The following CLVS1 variants were observed in gnomAD, a reference collection of about 807,000 sequenced individuals.
CLVS1 encodes clavesin-1.
A neutral mutation model predicts 33.1 loss-of-function variants in CLVS1; 10 were observed. The observed-to-expected ratio is 0.30, with a 90% CI of 0.19 to 0.51. The LOEUF (loss-of-function observed/expected upper bound fraction) is 0.51, where lower values mean the gene tolerates loss of function less well. Ranked by LOEUF, CLVS1 falls within the 20% of genes least tolerant of loss-of-function variation. The pLI is 0.97. For synonymous variants in CLVS1, 163 were observed against 166.1 expected, an observed-to-expected ratio of 0.98 and a Z score of 0.14; for missense variants, 343 against 433.4, an observed-to-expected ratio of 0.79 and a Z score of 1.85.
chr8:61,060,694 C>G (rs548563266), intron 1 of CLVS1, among the ~76,000 whole-genome samples: 1 of 152,078 alleles, frequency 6.6e-6, no homozygotes, highest in Admixed American at 6.5e-5. Context: ...GAGTTATTAT[C>G]GGGGCATGGA....
chr8:61,067,571 A>G (rs1804706269), intron 1 of CLVS1, among the ~76,000 whole-genome samples: 1 of 151,952 alleles, frequency 6.6e-6, no homozygotes. Flanking sequence ...CTATTTTTTA[A>G]AAAGCTAACA....
At chr8:60,970,069 T>G in the CLVS1 span, among the ~76,000 whole-genome samples, 1 of 152,240 alleles carries the variant, frequency 6.6e-6, no homozygotes, top group Admixed American at 6.5e-5. Context: ...TGAGTTCTTT[T>G]AAAAAATGTG....
chr8:61,434,178 A>G (rs1040064698), intron 3 of CLVS1, among the ~76,000 whole-genome samples: 2 of 152,230 alleles, frequency 1.3e-5, no homozygotes, highest in African/African-American at 2.4e-5. Flanking sequence ...GTTTTCATCA[A>G]GGTCCCCAGA....
chr8:61,234,074 A>G (rs1808501969), intron 2 of CLVS1, among the ~76,000 whole-genome samples: 1 of 151,926 alleles, frequency 6.6e-6, no homozygotes, highest in Non-Finnish European at 1.5e-5. Flanking sequence ...GGATGATGGG[A>G]GGGGCTGAGG....
Position 61,335,366 on chromosome 8 carries a change from C to G in CLVS1, c.455+35084C>G, listed in dbSNP as rs529796105. On this transcript the variant is annotated intron_variant, in intron 2 of 5. Coordinates refer to ENST00000325897, the MANE Select transcript of CLVS1 (RefSeq NM_173519.3). The stretch of plus-strand genomic sequence containing the variant: ...GTTTCTCCCAAAGTTAGTTCAGCCT[C>G]TACCCAGGAATGAACAAGGACAGCT... 6.6e-5 allele frequency among the ~76,000 whole-genome samples: 10 copies of G among 152,342 alleles called. No individual in the cohort carries two copies. The South Asian group carries it at 1.7e-3, about 25-fold the overall frequency.
At chr8:61,229,326 G>A (rs1808387522) in intron 2 of CLVS1, among the ~76,000 whole-genome samples, 1 of 152,176 alleles carries the variant, frequency 6.6e-6, no homozygotes, top group Non-Finnish European at 1.5e-5. Context: ...TACATTCAAA[G>A]CAATGTCCCT....
chr8:61,187,736 T>C (rs190144552), intron 2 of CLVS1, among the ~76,000 whole-genome samples: 35 of 150,924 alleles, frequency 2.3e-4, no homozygotes, highest in African/African-American at 8.0e-4. Context: ...ATATTAAATA[T>C]ATGATAATTT....
chr8:61,465,487 A>T (rs1359799457), intron 5 of CLVS1: 2 of 152,182 alleles, frequency 1.3e-5, no homozygotes, highest in Non-Finnish European at 2.9e-5. Context: ...TATGTAGAAA[A>T]AACAAAATAA....
intron 1 of CLVS1, among the ~76,000 whole-genome samples, chr8:61,129,961 G>C (rs1806056787): frequency 1.3e-5 from 2 of 152,202 alleles, no homozygotes; most frequent in Non-Finnish European, 2.9e-5. Context: ...GTTAAGGCCA[G>C]GTGTGGTGGC....
At chr8:61,163,517 A>G (rs912195070) in intron 2 of CLVS1, among the ~76,000 whole-genome samples, 6 of 152,150 alleles carry the variant, frequency 3.9e-5, no homozygotes, top group African/African-American at 1.4e-4. Flanking sequence ...CCTTATGTGT[A>G]TTTGTTACGG....
At chr8:61,125,656 A>C (rs1257414105) in intron 1 of CLVS1, among the ~76,000 whole-genome samples, 1 of 152,208 alleles carries the variant, frequency 6.6e-6, no homozygotes, top group Admixed American at 6.5e-5. Flanking sequence ...TATTGTTTAA[A>C]TTCAGTCCAA....
upstream of CLVS1, among the ~76,000 whole-genome samples, chr8:61,284,315 G>A (rs1184776676): frequency 6.6e-6 from 1 of 152,202 alleles, no homozygotes; most frequent in Non-Finnish European, 1.5e-5. Context: ...ATAGCAGAAT[G>A]ACTAGGGTTA....
At chr8:61,085,214 A>C (rs139389604) in intron 1 of CLVS1, among the ~76,000 whole-genome samples, 2 of 152,324 alleles carry the variant, frequency 1.3e-5, no homozygotes, top group African/African-American at 4.8e-5. Context: ...TCTGTATACT[A>C]TCCGGAGGCT....
intron 2 of CLVS1, among the ~76,000 whole-genome samples, chr8:61,149,391 A>C (rs1375645177): frequency 2.0e-5 from 3 of 152,002 alleles, no homozygotes; most frequent in African/African-American, 7.3e-5. Context: ...ATCTCTACTA[A>C]AAATACAAAA....
At chr8:61,242,425 C>G (rs1430124193) in intron 2 of CLVS1, among the ~76,000 whole-genome samples, 1 of 152,058 alleles carries the variant, frequency 6.6e-6, no homozygotes, top group African/African-American at 2.4e-5. Flanking sequence ...CTTTCCTGCT[C>G]TTTGAATATC....
chr8:61,133,650 C>T (rs74711768), intron 2 of CLVS1, among the ~76,000 whole-genome samples: 73 of 152,124 alleles, frequency 4.8e-4, no homozygotes, highest in Admixed American at 1.6e-3. Flanking sequence ...TGCCAGAGGA[C>T]GCTACACTGC....
intron 1 of CLVS1, among the ~76,000 whole-genome samples, chr8:61,294,429 C>T (rs924372852): frequency 2.0e-5 from 3 of 152,122 alleles, no homozygotes; most frequent in Non-Finnish European, 4.4e-5. Context: ...AAAACAAGCT[C>T]ATTATCTGAC....
intron 5 of CLVS1, among the ~76,000 whole-genome samples, chr8:61,478,812 T>C (rs973212452): frequency 6.6e-6 from 1 of 152,194 alleles, no homozygotes; most frequent in Non-Finnish European, 1.5e-5. Flanking sequence ...ATTTAGCCCA[T>C]TTACATTTAA....
At chr8:61,429,479 A>C (rs2129605244) in intron 3 of CLVS1, among the ~76,000 whole-genome samples, 1 of 151,276 alleles carries the variant, frequency 6.6e-6, no homozygotes, top group African/African-American at 2.4e-5. Context: ...AAATTGTAAA[A>C]TTCATCTTTT....
Sources: gnomAD v4.1 joint callset for allele counts (sites outside exome capture counted in the v4.1 genomes callset) on GRCh38, gnomAD v4.1.1 for gene constraint, MANE v1.5 for transcripts, NCBI Gene and HGNC (gene_info 2026-07-23, HGNC 2026-07-21) for gene names.